PCDH9: variants seen among roughly 807,000 people sequenced by gnomAD.
PCDH9 encodes the protein protocadherin 9.
PCDH9 carries 24 observed loss-of-function variants against 70.6 expected under a neutral mutation model. That is an observed-to-expected ratio of 0.34 (90% CI 0.25 to 0.48). The LOEUF is 0.48. Ranked by LOEUF, PCDH9 falls within the 20% of genes least tolerant of loss-of-function variation. The pLI is 0.99. For missense variants in PCDH9, 1,281 were observed against 1,503.6 expected, an observed-to-expected ratio of 0.85 and a Z score of 2.45; for synonymous variants, 562 against 558.5, an observed-to-expected ratio of 1.01 and a Z score of -0.09.
chr13:66,872,143 T>A (rs1252401775), intron 3 of PCDH9, among the ~76,000 whole-genome samples: 1 of 152,180 alleles, frequency 6.6e-6, no homozygotes, highest in Non-Finnish European at 1.5e-5. Flanking sequence ...ATATGCCAAA[T>A]CTGAGGACAG....
chr13:66,564,865 G>GTTTT (rs11446994), intron 4 of PCDH9, among the ~76,000 whole-genome samples: 3 of 147,220 alleles, frequency 2.0e-5, no homozygotes, highest in African/African-American at 7.5e-5. Context: ...ATAATGTAGG[G>GTTTT]TTTTTTTTTT....
chr13:66,386,249 T>C (rs1040755337), intron 4 of PCDH9, among the ~76,000 whole-genome samples: 13 of 152,180 alleles, frequency 8.5e-5, no homozygotes, highest in Non-Finnish European at 5.9e-5. Context: ...CAGTCTTCTA[T>C]CTCAATATAA....
At chr13:66,647,909 T>C (rs944400513) in intron 3 of PCDH9, among the ~76,000 whole-genome samples, 1 of 152,080 alleles carries the variant, frequency 6.6e-6, no homozygotes, top group Non-Finnish European at 1.5e-5. Context: ...ACATCAGTGG[T>C]AAGCAGGCAG....
At chr13:66,818,154 T>C (rs1594099706) in intron 3 of PCDH9, among the ~76,000 whole-genome samples, 2 of 152,292 alleles carry the variant, frequency 1.3e-5, no homozygotes, top group East Asian at 3.9e-4. Context: ...TCTTGACTGG[T>C]TTCAGCATAT....
At chr13:66,897,960 T>C (rs917941292) in intron 3 of PCDH9, among the ~76,000 whole-genome samples, 1 of 152,132 alleles carries the variant, frequency 6.6e-6, no homozygotes, top group Admixed American at 6.6e-5. Flanking sequence ...CAGTTGGGCA[T>C]GTCAGGACTT....
At chr13:66,507,654 G>T (rs1401998762) in intron 4 of PCDH9, among the ~76,000 whole-genome samples, 4 of 152,092 alleles carry the variant, frequency 2.6e-5, no homozygotes, top group Admixed American at 6.6e-5. Flanking sequence ...GCAAAAACGG[G>T]TTCAAATCCT....
chr13:66,340,448 A>G (rs1956106589), intron 4 of PCDH9, among the ~76,000 whole-genome samples: 1 of 152,198 alleles, frequency 6.6e-6, no homozygotes, highest in Non-Finnish European at 1.5e-5. Flanking sequence ...TAATGCTGGA[A>G]GGACTAGATG....
intron 4 of PCDH9, among the ~76,000 whole-genome samples, chr13:66,610,278 G>GAC (rs1470157669): frequency 2.6e-5 from 4 of 151,518 alleles, no homozygotes; most frequent in Non-Finnish European, 5.9e-5. Flanking sequence ...AGGAGAATGA[G>GAC]ACAGAGAGAG....
intron 3 of PCDH9, among the ~76,000 whole-genome samples, chr13:66,754,506 C>CAAATTGT (rs1370395459): frequency 6.6e-6 from 1 of 151,810 alleles, no homozygotes; most frequent in Non-Finnish European, 1.5e-5. Context: ...ATTTCTGAAG[C>CAAATTGT]AAATTGTATA....
intron 4 of PCDH9, among the ~76,000 whole-genome samples, chr13:66,622,899 C>T (rs1334505049): frequency 3.9e-5 from 6 of 152,226 alleles, no homozygotes; most frequent in African/African-American, 1.4e-4. Flanking sequence ...GTAACACTCA[C>T]CGCAAAGGTC....
intron 3 of PCDH9, 65 bp from the exon 4 acceptor site, chr13:66,631,476 C>G: frequency 1.1e-6 from 1 of 910,434 alleles, no homozygotes; most frequent in Non-Finnish European, 1.8e-6. Context: ...CCTAGTGGAA[C>G]ACAAAATCAA....
At chr13:66,610,232 G>C (rs1234878752) in intron 4 of PCDH9, among the ~76,000 whole-genome samples, 1 of 151,848 alleles carries the variant, frequency 6.6e-6, no homozygotes, top group Non-Finnish European at 1.5e-5. Context: ...AGAGAACAGG[G>C]GTAAGGGGGA....
chr13:66,337,837 T>C (rs1180822077), intron 4 of PCDH9, among the ~76,000 whole-genome samples: 1 of 152,098 alleles, frequency 6.6e-6, no homozygotes, highest in Admixed American at 6.6e-5. Flanking sequence ...TTTAATTGAA[T>C]GCATTTTTAG....
At chr13:67,168,613 C>A (rs139933055) in intron 2 of PCDH9, among the ~76,000 whole-genome samples, 4 of 151,898 alleles carry the variant, frequency 2.6e-5, no homozygotes, top group African/African-American at 9.6e-5. Flanking sequence ...CACCTGTGTT[C>A]CAAGCTACTC....
intron 2 of PCDH9, among the ~76,000 whole-genome samples, chr13:67,121,077 A>C (rs2138299806): frequency 6.6e-6 from 1 of 152,348 alleles, no homozygotes; most frequent in African/African-American, 2.4e-5. Flanking sequence ...TGACAAAGTC[A>C]CGCAAATGAC....
chr13:66,785,762 G>A (rs922882662), intron 3 of PCDH9, among the ~76,000 whole-genome samples: 3 of 151,650 alleles, frequency 2.0e-5, no homozygotes, highest in South Asian at 2.1e-4. Context: ...ATTGAGGAAC[G>A]TCACTGAGTA....
intron 4 of PCDH9, among the ~76,000 whole-genome samples, chr13:66,453,770 C>T (rs1958262614): frequency 6.6e-6 from 1 of 151,996 alleles, no homozygotes; most frequent in Non-Finnish European, 1.5e-5. Context: ...TCTACACTGG[C>T]CAAAGCTGTT....
At chr13:66,548,495 G>A (rs1961322250) in intron 4 of PCDH9, among the ~76,000 whole-genome samples, 1 of 152,024 alleles carries the variant, frequency 6.6e-6, no homozygotes, top group Admixed American at 6.5e-5. Flanking sequence ...AACCCAGGAG[G>A]TGGAGGTTGC....
chr13:66,617,421 G>T (rs2077369520), intron 4 of PCDH9, among the ~76,000 whole-genome samples: 1 of 152,142 alleles, frequency 6.6e-6, no homozygotes, highest in Admixed American at 6.5e-5. Context: ...CTTTAAAAAT[G>T]CTTTCTTTTT....
Sources: allele counts gnomAD v4.1 joint callset (sites outside exome capture counted in the v4.1 genomes callset), GRCh38; gene constraint gnomAD v4.1.1; transcripts MANE v1.5; gene names NCBI Gene and HGNC (gene_info 2026-07-23, HGNC 2026-07-21).